Variants in DENND2A observed in about 807,000 individuals in gnomAD.
DENND2A encodes the protein DENN domain containing 2A.
In DENND2A, 53 loss-of-function variants were observed where a neutral mutation model predicts 105.3. That is an observed-to-expected ratio of 0.50 (90% CI 0.40 to 0.63). The LOEUF (loss-of-function observed/expected upper bound fraction) is 0.63. Ranked by LOEUF, DENND2A falls within the 30% of genes least tolerant of loss-of-function variation. The probability of loss-of-function intolerance (pLI) is 0.00; values close to 1 mark genes in which losing one functional copy is unlikely to be tolerated. For missense variants in DENND2A, 1,138 were observed against 1,279.6 expected, an observed-to-expected ratio of 0.89 and a Z score of 1.69; for synonymous variants, 522 against 508.4, an observed-to-expected ratio of 1.03 and a Z score of -0.36.
At chr7:140,541,892 G>A (rs150122332) in intron 14 of DENND2A, among the ~76,000 whole-genome samples, 2 of 152,212 alleles carry the variant, frequency 1.3e-5, no homozygotes, top group African/African-American at 4.8e-5. Flanking sequence ...CAGATGCGGC[G>A]CATGAGGGGA....
At chr7:140,532,463 G>T (rs961459589) in intron 14 of DENND2A, among the ~76,000 whole-genome samples, 2 of 152,188 alleles carry the variant, frequency 1.3e-5, no homozygotes, top group Non-Finnish European at 2.9e-5. Context: ...AAGAAAAAAT[G>T]CAGTATTTGT....
Position 140,518,741 on chromosome 7 carries a change from A to G in DENND2A, c.2999-3T>C. ...GTGGAGAAATTTCATTTTATTGCCTAAAAAAAAGGAAAATGAGAACATTTC... is the reference window on the plus strand; with the variant it reads ...GTGGAGAAATTTCATTTTATTGCCTGAAAAAAAGGAAAATGAGAACATTTC... On this transcript the variant is annotated splice_polypyrimidine_tract_variant and splice_region_variant and intron_variant, in intron 19 of 19. Transcript: ENST00000496613. 6.2e-7 allele frequency: 1 copy of G among 1,603,248 alleles called. No homozygotes were observed. The highest frequency in any genetic ancestry group is 2.2e-5 in the East Asian group (1 of 44,664).
intron 1 of DENND2A, among the ~76,000 whole-genome samples, chr7:140,611,082 G>T (rs1208211068): frequency 6.6e-6 from 1 of 152,160 alleles, no homozygotes; most frequent in Non-Finnish European, 1.5e-5. Context: ...TTTCACTCCT[G>T]TTGCCCAGGC....
In DENND2A at chr7:140,552,837, G is replaced by T. The variant is rs55939812; in HGVS notation, c.2037+2799C>A. On this transcript the variant is annotated intron_variant, in intron 12 of 19. Transcript: ENST00000496613. The stretch of plus-strand genomic sequence containing the variant: ...CTACTGGCCTCAGCCTCCTGACCAG[G>T]CATTAATTCTTTCTAACAGATTTAC... Among the ~76,000 whole-genome samples the T allele has an allele frequency of 1.8e-3, 272 of 152,262 alleles. 1 individual carries two copies. The highest frequency in any genetic ancestry group is 0.01 in the Middle Eastern group (3 of 294).
At chr7:140,568,099 C>G (rs1797940407) in intron 8 of DENND2A, among the ~76,000 whole-genome samples, 1 of 152,192 alleles carries the variant, frequency 6.6e-6, no homozygotes, top group African/African-American at 2.4e-5. Flanking sequence ...TGCCACCACA[C>G]CTGGCTAATT....
intron 5 of DENND2A, among the ~76,000 whole-genome samples, chr7:140,577,405 T>C (rs28626923): frequency 0.29 from 44,269 of 151,282 alleles, 6,608 homozygotes; most frequent in Middle Eastern, 0.38. Flanking sequence ...TTTTCTTTTT[T>C]TTTTTTTTTT....
intron 5 of DENND2A, among the ~76,000 whole-genome samples, chr7:140,581,014 G>C (rs1798519519): frequency 1.3e-5 from 2 of 151,478 alleles, no homozygotes; most frequent in African/African-American, 4.8e-5. Flanking sequence ...TGTAATCCCA[G>C]CACTTTGGGA....
At chr7:140,578,261 C>A (rs1798390645) in intron 5 of DENND2A, among the ~76,000 whole-genome samples, 2 of 152,126 alleles carry the variant, frequency 1.3e-5, no homozygotes, top group South Asian at 4.1e-4. Flanking sequence ...AAGCTGTGTG[C>A]CCCATCAGAG....
At chr7:140,547,952 T>C (rs970581283) in intron 12 of DENND2A, among the ~76,000 whole-genome samples, 2 of 152,120 alleles carry the variant, frequency 1.3e-5, no homozygotes, top group African/African-American at 4.8e-5. Context: ...AGAAAGTGGA[T>C]TGGAGGTTGC....
In DENND2A at chr7:140,559,648, C is replaced by T; in HGVS notation, c.1889+60G>A. ...GACTCATGTGGTCTGCCACCTGTAA[C>T]CCCGTCTCTAAGTCTCGCCTTAGTC... is the stretch of plus-strand genomic sequence containing the variant. On this transcript the variant is annotated intron_variant, in intron 10 of 19. Transcript: ENST00000496613. This position sits in a 1 kb window ranked among gnomAD's most constrained non-coding sequence, Gnocchi z 4.1. 4 of 1,278,316 alleles carry T rather than the reference C, an allele frequency of 3.1e-6. 1 individual carries two copies. In the South Asian group the frequency reaches 3.7e-5, roughly 12 times the overall value. The allele number at this position is 1,278,316 out of a possible 1,614,324, so 79.2% of individuals were successfully genotyped here.
At chr7:140,524,618 C>T (rs1365079947) in intron 16 of DENND2A, among the ~76,000 whole-genome samples, 2 of 151,898 alleles carry the variant, frequency 1.3e-5, no homozygotes, top group South Asian at 2.1e-4. Flanking sequence ...CACTGTCTCT[C>T]GGGCTGGAGT....
rs909972902 is a variant in DENND2A at position 140,585,668 on chromosome 7, T to C, written c.1166A>G (p.His389Arg). 2 of 1,614,186 alleles carry C rather than the reference T, an allele frequency of 1.2e-6. No individual in the cohort carries two copies. Among genetic ancestry groups the C allele is most frequent in the Non-Finnish European group, 1.7e-6 (2 of 1,180,022 alleles). The part of the protein sequence containing the change: ...KENPYEDIEL[H>R]GRCLGKKCVL... Reference sequence around the variant, plus strand: ...ACACTTCTTTCCCAGGCAGCGACCATGTAACTCGATGTCCTCATAAGGGTT... The same window carrying C: ...ACACTTCTTTCCCAGGCAGCGACCACGTAACTCGATGTCCTCATAAGGGTT... Residue 389 changes from histidine to arginine, a missense_variant, in exon 5 of 20, where the codon CAT becomes CGT. By Grantham distance (29) the His-to-Arg change is conservative (BLOSUM62 0). This residue lies in a region of DENND2A where 511 missense variants were observed against 499.9 expected (regional missense o/e 1.02). Coordinates refer to ENST00000496613, the MANE Select transcript of DENND2A (RefSeq NM_015689.5).
intron 5 of DENND2A, among the ~76,000 whole-genome samples, chr7:140,583,925 C>CA (rs1798660099): frequency 6.4e-5 from 5 of 78,288 alleles, no homozygotes; most frequent in South Asian, 3.7e-4. Flanking sequence ...GACTCCGTCT[C>CA]GAAAAAAAAA....
At chr7:140,572,751 C>CA (rs59174097) in intron 6 of DENND2A, among the ~76,000 whole-genome samples, 2,582 of 58,350 alleles carry the variant, frequency 0.044, 70 homozygotes, top group Non-Finnish European at 0.068. Flanking sequence ...GAAACTCTGT[C>CA]AAAAAAAAAA....
intron 9 of DENND2A, among the ~76,000 whole-genome samples, chr7:140,560,541 G>A (rs1797571003): frequency 6.6e-6 from 1 of 151,994 alleles, no homozygotes; most frequent in Non-Finnish European, 1.5e-5. Flanking sequence ...AGAACAGGAG[G>A]AGTACTTTGG....
In DENND2A at chr7:140,540,299, G is replaced by A. The variant is rs537793820; in HGVS notation, c.2327+4319C>T. On this transcript the variant is annotated intron_variant, in intron 14 of 19. Coordinates refer to ENST00000496613, the MANE Select transcript of DENND2A (RefSeq NM_015689.5). ...TGCTGCAGAAGAAAACCCCTGATGG[G>A]CACAACGTGCCCGTGGGGAGACCTG... Among the ~76,000 whole-genome samples, 56 of 152,356 alleles carry A rather than the reference G, an allele frequency of 3.7e-4. No homozygotes were observed. In the Middle Eastern group the frequency reaches 0.01, roughly 28 times the overall value.
intron 3 of DENND2A, among the ~76,000 whole-genome samples, chr7:140,590,940 G>A (rs145073167): frequency 6.6e-6 from 1 of 151,494 alleles, no homozygotes; most frequent in Non-Finnish European, 1.5e-5. Flanking sequence ...ACACATAAAA[G>A]GTCACTAGTC....
intron 1 of DENND2A, chr7:140,609,876 A>G (rs1288129853): frequency 1.3e-5 from 2 of 152,166 alleles, no homozygotes; most frequent in African/African-American, 4.8e-5. Flanking sequence ...AGTCAACTGA[A>G]TTGATTATTC....
chr7:140,609,131 A>G (rs1403977410), intron 1 of DENND2A, among the ~76,000 whole-genome samples: 1 of 152,214 alleles, frequency 6.6e-6, no homozygotes, highest in Non-Finnish European at 1.5e-5. Context: ...AGATAATGGT[A>G]TGATTGATAG....
Sources: allele counts gnomAD v4.1 joint callset (sites outside exome capture counted in the v4.1 genomes callset), GRCh38; gene constraint gnomAD v4.1.1; regional missense constraint gnomAD v4.1.1; non-coding constraint Gnocchi (gnomAD v3.1); transcripts MANE v1.5; gene names NCBI Gene and HGNC (gene_info 2026-07-23, HGNC 2026-07-21).